Variants in UBE2V2 observed in about 807,000 individuals in gnomAD.
UBE2V2 encodes ubiquitin-conjugating enzyme E2 variant 2.
In UBE2V2, 9 loss-of-function variants were observed where a neutral mutation model predicts 17.2. The observed-to-expected ratio is 0.52, with a 90% confidence interval of 0.32 to 0.91. The LOEUF is 0.91. Among genes scored for constraint, UBE2V2 ranks in the 40% least tolerant of loss-of-function variants. The pLI is 0.04. For missense variants in UBE2V2, 133 were observed against 182.6 expected, an observed-to-expected ratio of 0.73 and a Z score of 1.56; for synonymous variants, 61 against 57.5, an observed-to-expected ratio of 1.06 and a Z score of -0.28.
intron 3 of UBE2V2, among the ~76,000 whole-genome samples, chr8:48,050,992 A>G (rs774587597): frequency 2.0e-5 from 3 of 152,126 alleles, no homozygotes; most frequent in Non-Finnish European, 4.4e-5. Context: ...ACTACAAGGC[A>G]CATGCCACCA....
At chr8:48,053,304 TAAAAG>T (rs2091550703) in intron 3 of UBE2V2, among the ~76,000 whole-genome samples, 1 of 152,244 alleles carries the variant, frequency 6.6e-6, no homozygotes, top group African/African-American at 2.4e-5. Context: ...TTTTTGTTTT[TAAAAG>T]AAATGTTTCT....
In UBE2V2 at chr8:48,057,622, A is replaced by AT. The variant is rs913673282; in HGVS notation, c.292-3050dup. Among the ~76,000 whole-genome samples, 12 of 149,536 alleles carry AT rather than the reference A, an allele frequency of 8.0e-5. No homozygotes were observed. In the East Asian group the frequency reaches 1.4e-3, roughly 17 times the overall value. On this transcript the variant is annotated intron_variant, in intron 3 of 3. Coordinates refer to ENST00000523111, the MANE Select transcript of UBE2V2 (RefSeq NM_003350.3). ...CCGACCTTTAAATTATTTCTATTTA[A>AT]TTTTTTTTTTCTCTTTTTTCTGGGG... is the stretch of plus-strand genomic sequence containing the variant.
intron 3 of UBE2V2, among the ~76,000 whole-genome samples, chr8:48,051,131 G>T (rs1012720907): frequency 6.6e-6 from 1 of 152,202 alleles, no homozygotes; most frequent in African/African-American, 2.4e-5. Flanking sequence ...ACAGGCGTGA[G>T]CCACTGTGTC....
chr8:48,036,147 G>C (rs1676080315), intron 1 of UBE2V2, among the ~76,000 whole-genome samples: 1 of 151,194 alleles, frequency 6.6e-6, no homozygotes, highest in South Asian at 2.1e-4. Flanking sequence ...GTAGAGATGG[G>C]GTTTTGCATG....
rs200239735 is a variant in UBE2V2, at chr8:48,024,591, G to A, written c.16+16121G>A. Among the ~76,000 whole-genome samples the A allele has an allele frequency of 2.4e-4, 36 of 148,574 alleles. No individual in the cohort carries two copies. The East Asian group carries it at 6.5e-3, about 27-fold the overall frequency. On this transcript the variant is annotated intron_variant, in intron 1 of 3. Transcript: ENST00000523111. ...GCCTGGGCAACAAGAGCTAAACTCC[G>A]TCTCAAAAAAAAAAAAAAGAGATTC... is the stretch of plus-strand genomic sequence containing the variant.
chr8:48,012,350 T>C (rs1389766420), intron 1 of UBE2V2, among the ~76,000 whole-genome samples: 1 of 152,310 alleles, frequency 6.6e-6, no homozygotes, highest in African/African-American at 2.4e-5. Context: ...GAATAGAAAT[T>C]TGATACTGTT....
upstream of UBE2V2, among the ~76,000 whole-genome samples, chr8:48,007,855 T>C (rs1263034315): frequency 3.3e-5 from 5 of 151,954 alleles, no homozygotes; most frequent in African/African-American, 1.2e-4. Context: ...TCAGCATCCC[T>C]AGCTGTTCAA....
At chr8:48,006,097 A>C (rs903727863), upstream of UBE2V2, among the ~76,000 whole-genome samples, 3 of 152,152 alleles carry the variant, frequency 2.0e-5, no homozygotes, top group African/African-American at 7.2e-5. Context: ...CCATGCCTAC[A>C]TCCTGAATGG....
the UBE2V2 span, among the ~76,000 whole-genome samples, chr8:47,999,570 C>T: frequency 1.3e-5 from 2 of 152,094 alleles, no homozygotes; most frequent in African/African-American, 4.8e-5. Flanking sequence ...CCATGTTAGC[C>T]AGGATGGTCT....
intron 1 of UBE2V2, among the ~76,000 whole-genome samples, chr8:48,039,714 C>A (rs1318547815): frequency 6.6e-6 from 1 of 152,010 alleles, no homozygotes; most frequent in African/African-American, 2.4e-5. Flanking sequence ...TGTTCCAACA[C>A]CATTAACTTT....
chr8:48,037,371 T>C (rs1589859419), intron 1 of UBE2V2, among the ~76,000 whole-genome samples: 1 of 152,374 alleles, frequency 6.6e-6, no homozygotes, highest in African/African-American at 2.4e-5. Flanking sequence ...TTCTTTTGCC[T>C]CTTCTCCCCA....
chr8:48,035,268 A>T (rs2091414462), intron 1 of UBE2V2, among the ~76,000 whole-genome samples: 1 of 151,800 alleles, frequency 6.6e-6, no homozygotes, highest in East Asian at 1.9e-4. Context: ...GGTGTGCACC[A>T]CCATGCCCAG....
chr8:48,014,982 G>A lies in UBE2V2; in HGVS notation c.16+6512G>A, dbSNP rs1237282452. Among the ~76,000 whole-genome samples, 8 of 150,866 alleles carry A rather than the reference G, an allele frequency of 5.3e-5. No individual in the cohort carries two copies. In the Admixed American group the frequency reaches 5.3e-4, roughly 10 times the overall value. ...GTAGAATGGCATGAACCCGGGAGGC[G>A]GAGCTTGCAGTGAGCTGAGATTGTG... is the stretch of plus-strand genomic sequence containing the variant. On this transcript the variant is annotated intron_variant, in intron 1 of 3. Transcript: ENST00000523111.
upstream of UBE2V2, among the ~76,000 whole-genome samples, chr8:48,007,697 G>A (rs1487608178): frequency 2.0e-5 from 3 of 150,898 alleles, no homozygotes; most frequent in East Asian, 1.9e-4. Flanking sequence ...TTACAGAAGT[G>A]AGCTTCGGCG....
chr8:48,008,534 G>T (rs2091202440), intron 1 of UBE2V2, 64 bp downstream of exon 1: 1 of 1,519,872 alleles, frequency 6.6e-7, no homozygotes. Flanking sequence ...TCCGTCTGCT[G>T]CTGGCGCCCG....
chr8:48,042,963 C>G, intron 1 of UBE2V2, 70 bp from the exon 2 acceptor site: 1 of 1,319,942 alleles, frequency 7.6e-7, no homozygotes, highest in Non-Finnish European at 9.8e-7. Context: ...TTGGAAAAAG[C>G]TGAATTTAAA....
chr8:48,019,312 C>T (rs951527047), intron 1 of UBE2V2, among the ~76,000 whole-genome samples: 15 of 151,862 alleles, frequency 9.9e-5, no homozygotes, highest in South Asian at 2.1e-4. Context: ...TGCAGTAAGC[C>T]GAGATCACGG....
At chr8:48,001,531 T>A in the UBE2V2 span, among the ~76,000 whole-genome samples, 1 of 152,080 alleles carries the variant, frequency 6.6e-6, no homozygotes, top group African/African-American at 2.4e-5. Flanking sequence ...CCTGGGAGGT[T>A]AGGGCTGCAG....
intron 1 of UBE2V2, among the ~76,000 whole-genome samples, chr8:48,013,157 T>C (rs1271812134): frequency 6.6e-6 from 1 of 152,042 alleles, no homozygotes; most frequent in African/African-American, 2.4e-5. Flanking sequence ...GCTGTTAATT[T>C]CTTATATTGG....
Sources: allele counts gnomAD v4.1 joint callset (sites outside exome capture counted in the v4.1 genomes callset), GRCh38; gene constraint gnomAD v4.1.1; transcripts MANE v1.5; gene names NCBI Gene and HGNC (gene_info 2026-07-23, HGNC 2026-07-21).